The following ODF4 variants were observed in gnomAD, a reference collection of about 807,000 sequenced individuals.
ODF4 encodes outer dense fiber of sperm tails 4, also known as outer dense fiber protein 4.
ODF4 carries 11 observed loss-of-function variants against 17.0 expected under a neutral mutation model. The observed-to-expected ratio is 0.65, with a 90% CI of 0.41 to 1.07. The LOEUF (loss-of-function observed/expected upper bound fraction) is 1.07. ODF4 is among the 50% of genes least tolerant of loss of function. ODF4 has a pLI of 0.00. For missense variants in ODF4, 281 were observed against 310.2 expected (o/e 0.91, Z 0.71); for synonymous variants, 127 against 121.8 (o/e 1.04, Z -0.28).
At chr17:8,344,799 G>A (rs1319268236) in intron 1 of ODF4, 10 of 902,300 alleles carry the variant, frequency 1.1e-5, no homozygotes, top group Non-Finnish European at 1.3e-5. Context: ...ACATTTTCTT[G>A]TATTTGCTCA....
rs771789381 is a variant in ODF4 at position 8,340,139 on chromosome 17, G to A, written c.88G>A (p.Gly30Arg). 21 of 1,567,432 alleles carry A rather than the reference G, an allele frequency of 1.3e-5. No individual in the cohort carries two copies. The Admixed American group carries it at 2.8e-4, about 21-fold the overall frequency. The change falls in exon 1 of 3, where the codon GGG becomes AGG. Residue 30 changes from glycine to arginine, a missense_variant. Gly to Arg is a moderately radical substitution (Grantham distance 125). Transcript: ENST00000328248. ...GAGACCTGGAAAGGAAAGGAAGAGT[G>A]GGGAGGCAGGATGGGGCACAGGTGA... ...HQRPGKERKS[G>R]EAGWGTGELG...
chr17:8,344,007 T>C lies in ODF4; in HGVS notation c.455-1336T>C, dbSNP rs571002010. 1.2e-4 allele frequency among the ~76,000 whole-genome samples: 15 copies of C among 122,578 alleles called. 5 individuals are homozygous for C. Among genetic ancestry groups the C allele is most frequent in the African/African-American group, 5.2e-4 (15 of 28,898 alleles). 80.4% of individuals were successfully genotyped at this position (122,578 alleles called of 152,430 possible). A position where few individuals can be genotyped will look rare whatever the true frequency, so the allele number is the denominator to read the frequency against. ...TTTCACCATGTTGCCCAGGCTGGTC[T>C]CGAACTCCTGATCTCAAGTGACCTG... On this transcript the variant is annotated intron_variant, in intron 1 of 2. Coordinates refer to ENST00000328248, the MANE Select transcript of ODF4 (RefSeq NM_153007.5).
In ODF4 at chr17:8,345,476, C is replaced by G; in HGVS notation, c.588C>G (p.Cys196Trp). 1 of 1,613,558 alleles carries G rather than the reference C, an allele frequency of 6.2e-7. No homozygotes were observed. The highest frequency in any genetic ancestry group is 8.5e-7 in the Non-Finnish European group (1 of 1,179,612). The change falls in exon 2 of 3, where the codon TGC becomes TGG. Residue 196 changes from cysteine to tryptophan, a missense_variant and splice_region_variant. Cys to Trp is a radical substitution (Grantham distance 215). Transcript: ENST00000328248. This position sits in a 1 kb window ranked among gnomAD's most constrained non-coding sequence, Gnocchi z 4.1. ...TGGTGCTTATCCTATACTTCACCTG[C>G]GGTGAGTGGCCAGAGGGCCCTGGGG... ...GWLVLILYFT[C>W]AILCYFNHKS...
chr17:8,344,635 T>A (rs62064311), intron 1 of ODF4, among the ~76,000 whole-genome samples: 1 of 69,318 alleles, frequency 1.4e-5, no homozygotes, highest in Non-Finnish European at 3.1e-5. Flanking sequence ...ACTACAGGCA[T>A]GCACCACCAT....
chr17:8,346,031 C>T lies in ODF4; in HGVS notation c.*179C>T, dbSNP rs1597478279. ...CTTGAGTGATGTGGAATAAATTGTC[C>T]GTCTCTTCTTTCTCATATCTGGCTG... On this transcript the variant is annotated 3_prime_UTR_variant, in exon 3 of 3. Coordinates refer to ENST00000328248, the MANE Select transcript of ODF4 (RefSeq NM_153007.5). 5.6e-6 allele frequency: 3 copies of T among 534,362 alleles called. No individual in the cohort carries two copies. The highest frequency in any genetic ancestry group is 2.9e-5 in the South Asian group (1 of 34,514). The allele number at this position is 534,362 out of a possible 1,614,324, so 33.1% of individuals were successfully genotyped here.
At position 8,345,124 on chromosome 17, in the gene ODF4, A is replaced by G. The variant is rs1172479975; in HGVS notation, c.455-219A>G. 9.8e-6 allele frequency: 8 copies of G among 820,226 alleles called. No homozygotes were observed. Among genetic ancestry groups the G allele is most frequent in the African/African-American group, 1.7e-5 (1 of 57,428 alleles). 50.8% of individuals were successfully genotyped at this position (820,226 alleles called of 1,614,324 possible). A position where few individuals can be genotyped will look rare whatever the true frequency, so the allele number is the denominator to read the frequency against. On this transcript the variant is annotated intron_variant, in intron 1 of 2. Coordinates refer to ENST00000328248, the MANE Select transcript of ODF4 (RefSeq NM_153007.5). This position sits in a 1 kb window ranked among gnomAD's most constrained non-coding sequence, Gnocchi z 4.1. ...CTTCTCCCTCTTCTTTGGGGGTGGT[A>G]TGAGGGTTTTGTGGGTGGTGGGAGA...
At position 8,345,165 on chromosome 17, in the gene ODF4, G is replaced by A. The variant is rs1370757267; in HGVS notation, c.455-178G>A. ...TGGTGGGAGAACAGAACCGAGAATCGAGTTACATCATTTCTTGGTCACAGG... is the reference window on the plus strand; with the variant it reads ...TGGTGGGAGAACAGAACCGAGAATCAAGTTACATCATTTCTTGGTCACAGG... On this transcript the variant is annotated intron_variant, in intron 1 of 2. Coordinates refer to ENST00000328248, the MANE Select transcript of ODF4 (RefSeq NM_153007.5). The surrounding 1 kb of genome is among the most constrained non-coding windows in gnomAD (Gnocchi z 4.1). 3 of 794,306 alleles carry A rather than the reference G, an allele frequency of 3.8e-6. No homozygotes were observed. The highest frequency in any genetic ancestry group is 1.9e-5 in the South Asian group (1 of 53,910). The allele number at this position is 794,306 out of a possible 1,614,324, so 49.2% of individuals were successfully genotyped here. A position where few individuals can be genotyped will look rare whatever the true frequency, so the allele number is the denominator to read the frequency against.
At position 8,345,149 on chromosome 17, in the gene ODF4, A is replaced by G. The variant is rs1168353016; in HGVS notation, c.455-194A>G. 1 of 795,316 alleles carries G rather than the reference A, an allele frequency of 1.3e-6. No individual in the cohort carries two copies. The highest frequency in any genetic ancestry group is 1.9e-6 in the Non-Finnish European group (1 of 513,162). 49.3% of individuals were successfully genotyped at this position (795,316 alleles called of 1,614,324 possible). ...ATGAGGGTTTTGTGGGTGGTGGGAG[A>G]ACAGAACCGAGAATCGAGTTACATC... is the stretch of plus-strand genomic sequence containing the variant. On this transcript the variant is annotated intron_variant, in intron 1 of 2. Coordinates refer to ENST00000328248, the MANE Select transcript of ODF4 (RefSeq NM_153007.5). This position sits in a 1 kb window ranked among gnomAD's most constrained non-coding sequence, Gnocchi z 4.1.
At chr17:8,341,032 T>A (rs556056555) in intron 1 of ODF4, among the ~76,000 whole-genome samples, 1 of 151,842 alleles carries the variant, frequency 6.6e-6, no homozygotes, top group Non-Finnish European at 1.5e-5. Context: ...CTACTAAAAA[T>A]ACAAAAAATT....
chr17:8,343,915 A>G (rs1411019263), intron 1 of ODF4, among the ~76,000 whole-genome samples: 1 of 120,280 alleles, frequency 8.3e-6, no homozygotes, highest in African/African-American at 3.6e-5. Context: ...TCAGCTTCCC[A>G]GCAGCTGGGA....
chr17:8,345,930 G>A lies in ODF4; in HGVS notation c.*78G>A. ...CTCATCCTCCCCCAGCCCTTGAATAGGTTGGTCCTCATCATTGCAAGGAAT... is the reference window on the plus strand; with the variant it reads ...CTCATCCTCCCCCAGCCCTTGAATAAGTTGGTCCTCATCATTGCAAGGAAT... On this transcript the variant is annotated 3_prime_UTR_variant, in exon 3 of 3. Coordinates refer to ENST00000328248, the MANE Select transcript of ODF4 (RefSeq NM_153007.5). This position sits in a 1 kb window ranked among gnomAD's most constrained non-coding sequence, Gnocchi z 4.1. 1 of 1,229,592 alleles carries A rather than the reference G, an allele frequency of 8.1e-7. No individual in the cohort carries two copies. The highest frequency in any genetic ancestry group is 1.2e-6 in the Non-Finnish European group (1 of 854,954). The allele number at this position is 1,229,592 out of a possible 1,614,324, so 76.2% of individuals were successfully genotyped here.
intron 1 of ODF4, chr17:8,344,826 C>G: frequency 4.1e-6 from 4 of 976,916 alleles, no homozygotes; most frequent in Non-Finnish European, 3.7e-6. Flanking sequence ...TATGTTTCAT[C>G]TTTTGTAAAT....
chr17:8,345,200 A>G lies in ODF4; in HGVS notation c.455-143A>G. ...ATTTCTTGGTCACAGGAGAGGTAGA[A>G]ATGCAGGGGTTGACTCCTGGAACCT... On this transcript the variant is annotated intron_variant, in intron 1 of 2. Transcript: ENST00000328248. The surrounding 1 kb of genome is among the most constrained non-coding windows in gnomAD (Gnocchi z 4.1). 1.2e-6 allele frequency: 1 copy of G among 844,190 alleles called. No individual in the cohort carries two copies. The highest frequency in any genetic ancestry group is 2.4e-5 in the Admixed American group (1 of 41,226). The allele number at this position is 844,190 out of a possible 1,614,324, so 52.3% of individuals were successfully genotyped here. A position where few individuals can be genotyped will look rare whatever the true frequency, so the allele number is the denominator to read the frequency against.
chr17:8,340,430 T>C lies in ODF4; in HGVS notation c.379T>C (p.Ser127Pro), dbSNP rs1876705836. The C allele has an allele frequency of 2.5e-6, 4 of 1,613,820 alleles. No homozygotes were observed. In the East Asian group the frequency reaches 8.9e-5, roughly 36 times the overall value. Residue 127 changes from serine (S) to proline (P), a missense_variant, in exon 1 of 3, where the codon TCA becomes CCA. Physicochemically the swap from Ser to Pro is moderately conservative, Grantham distance 74. Transcript: ENST00000328248. ...PVDVSNRIHT[S>P]AHVMSMGLLH... ...GGATGTCAGCAACAGAATCCACACA[T>C]CAGCCCACGTTATGTCCATGGGGCT...
chr17:8,340,181 A>AGAC lies in ODF4; in HGVS notation c.131_133dup (p.Arg44dup). The AGAC allele has an allele frequency of 6.2e-7, 1 of 1,604,420 alleles. No individual in the cohort carries two copies. The highest frequency in any genetic ancestry group is 1.1e-5 in the South Asian group (1 of 89,770). On this transcript the variant is annotated inframe_insertion, in exon 1 of 3. Transcript: ENST00000328248. ...CACAGGTGAGCTGGGACAAGATGGG[A>AGAC]GACTGCTGTCCTCCACCCTCTCCCT... is the stretch of plus-strand genomic sequence containing the variant.
In ODF4 at chr17:8,345,821, T is replaced by C; in HGVS notation, c.743T>C (p.Leu248Pro). The C allele has an allele frequency of 1.2e-6, 2 of 1,614,136 alleles. No homozygotes were observed. The highest frequency in any genetic ancestry group is 8.5e-7 in the Non-Finnish European group (1 of 1,179,994). ...TDTPITQEGV[L>P]DPEQKDTHV ...ACCCCCATCACCCAGGAGGGAGTCC[T>C]GGATCCTGAGCAGAAGGATACACAT... Residue 248 changes from leucine to proline, a missense_variant, in exon 3 of 3, where the codon CTG becomes CCG. Physicochemically the swap from Leu to Pro is moderately conservative, Grantham distance 98 (BLOSUM62 -3). Transcript: ENST00000328248. The surrounding 1 kb of genome is among the most constrained non-coding windows in gnomAD (Gnocchi z 4.1).
rs530719816 is a variant in ODF4 at position 8,344,767 on chromosome 17, G to A, written c.455-576G>A. On this transcript the variant is annotated intron_variant, in intron 1 of 2. Coordinates refer to ENST00000328248, the MANE Select transcript of ODF4 (RefSeq NM_153007.5). ...CTCCCAACGTGCTAGGATTACAGGC[G>A]TGAGTCACCGCGCCTGGCGGTACAT... 6.7e-5 allele frequency: 41 copies of A among 608,788 alleles called. No homozygotes were observed. The South Asian group carries it at 2.0e-3, about 29-fold the overall frequency. 37.7% of individuals were successfully genotyped at this position (608,788 alleles called of 1,614,324 possible).
intron 1 of ODF4, among the ~76,000 whole-genome samples, chr17:8,342,540 C>T (rs541678723): frequency 6.6e-5 from 10 of 152,224 alleles, no homozygotes; most frequent in Admixed American, 3.3e-4. Flanking sequence ...CGTGAGCCAC[C>T]GCATCCGGCC....
At chr17:8,342,373 G>A (rs1246112582) in intron 1 of ODF4, among the ~76,000 whole-genome samples, 1 of 152,054 alleles carries the variant, frequency 6.6e-6, no homozygotes, top group Non-Finnish European at 1.5e-5. Context: ...CTCCCAAGTA[G>A]ATGGGATTAC....
Sources: allele counts gnomAD v4.1 joint callset (sites outside exome capture counted in the v4.1 genomes callset), GRCh38; gene constraint gnomAD v4.1.1; non-coding constraint Gnocchi (gnomAD v3.1); transcripts MANE v1.5; gene names NCBI Gene and HGNC (gene_info 2026-07-23, HGNC 2026-07-21).